CD247: variants seen among roughly 807,000 people sequenced by gnomAD.
CD247 encodes CD247 molecule.
In CD247, 13 loss-of-function variants were observed where a neutral mutation model predicts 30.0. The ratio of observed to expected loss-of-function variants is 0.43; its 90% CI spans 0.28 to 0.69. CD247 has a LOEUF of 0.69. CD247 is among the 30% of genes least tolerant of loss of function. The probability of loss-of-function intolerance (pLI) is 0.16; values close to 1 mark genes in which losing one functional copy is unlikely to be tolerated. For missense variants in CD247, 193 were observed against 212.6 expected, an observed-to-expected ratio of 0.91 and a Z score of 0.57; for synonymous variants, 72 against 80.0, an observed-to-expected ratio of 0.90 and a Z score of 0.53.
At position 167,508,889 on chromosome 1, in the gene CD247, T is replaced by C. The variant is rs567681457; in HGVS notation, c.58+9519A>G. The stretch of plus-strand genomic sequence containing the variant: ...ATGGTTTCCGGGACCAGGGACACTT[T>C]CTTGTGCTTATGGGCTCTCAATCAT... On this transcript the variant is annotated intron_variant, in intron 1 of 7. Coordinates refer to ENST00000362089, the MANE Select transcript of CD247 (RefSeq NM_198053.3). 6.2e-4 allele frequency among the ~76,000 whole-genome samples: 94 copies of C among 152,312 alleles called. 1 individual carries two copies. The highest frequency in any genetic ancestry group is 9.4e-4 in the Non-Finnish European group (64 of 68,016).
At chr1:167,479,494 C>T (rs1370213719) in intron 1 of CD247, among the ~76,000 whole-genome samples, 5 of 152,290 alleles carry the variant, frequency 3.3e-5, no homozygotes, top group South Asian at 2.1e-4. Context: ...GTGACATATC[C>T]GCCTCCATCT....
At chr1:167,478,945 G>A (rs1274936901) in intron 1 of CD247, among the ~76,000 whole-genome samples, 1 of 152,150 alleles carries the variant, frequency 6.6e-6, no homozygotes, top group Non-Finnish European at 1.5e-5. Flanking sequence ...GATTATGAGT[G>A]ATTTAAAGTA....
chr1:167,478,705 G>A (rs1403293740), intron 1 of CD247, among the ~76,000 whole-genome samples: 1 of 152,144 alleles, frequency 6.6e-6, no homozygotes, highest in Non-Finnish European at 1.5e-5. Context: ...GTTGTTGTGA[G>A]GAATAAGTAA....
intron 4 of CD247, 79 bp downstream of exon 4, chr1:167,438,491 C>A: frequency 8.8e-7 from 1 of 1,131,338 alleles, no homozygotes; most frequent in African/African-American, 1.5e-5. Flanking sequence ...GCAGAGTGAG[C>A]TGAGGAGCCC....
intron 1 of CD247, among the ~76,000 whole-genome samples, chr1:167,453,524 A>G (rs1489957399): frequency 6.6e-6 from 1 of 152,232 alleles, no homozygotes; most frequent in African/African-American, 2.4e-5. Flanking sequence ...TTTTCTGAGG[A>G]TAAACTCTCA....
chr1:167,467,278 C>T (rs1653298831), intron 1 of CD247, among the ~76,000 whole-genome samples: 1 of 152,218 alleles, frequency 6.6e-6, no homozygotes, highest in African/African-American at 2.4e-5. Context: ...TGGCTAATTT[C>T]AAGGTTAACA....
chr1:167,431,758 GCAAATCAGAAAA>G lies in CD247; in HGVS notation c.430-24_430-13del. On this transcript the variant is annotated splice_polypyrimidine_tract_variant and intron_variant, in intron 7 of 7. Coordinates refer to ENST00000362089, the MANE Select transcript of CD247 (RefSeq NM_198053.3). Reference sequence around the variant, plus strand: ...GCTGTACTGAGACCCTGGCGTGAAAGCAAATCAGAAAACAAAGAGTGGGTCAGTAGCCTGTGT... The same window carrying G: ...GCTGTACTGAGACCCTGGCGTGAAAGCAAAGAGTGGGTCAGTAGCCTGTGT... 1 of 1,613,612 alleles carries G rather than the reference GCAAATCAGAAAA, an allele frequency of 6.2e-7. No individual in the cohort carries two copies. Among genetic ancestry groups the G allele is most frequent in the Non-Finnish European group, 8.5e-7 (1 of 1,179,572 alleles).
At chr1:167,509,318 C>T (rs973064173) in intron 1 of CD247, among the ~76,000 whole-genome samples, 6 of 147,768 alleles carry the variant, frequency 4.1e-5, no homozygotes, top group Admixed American at 1.4e-4. Flanking sequence ...GAGCCGAGAT[C>T]GCGCCATTGC....
intron 1 of CD247, among the ~76,000 whole-genome samples, chr1:167,465,457 T>C (rs1653202193): frequency 6.6e-6 from 1 of 151,490 alleles, no homozygotes; most frequent in African/African-American, 2.4e-5. Context: ...GCCTCCCGAG[T>C]AGCTGGATTA....
chr1:167,455,196 T>C (rs1390476472), intron 1 of CD247, among the ~76,000 whole-genome samples: 1 of 152,194 alleles, frequency 6.6e-6, no homozygotes, highest in Non-Finnish European at 1.5e-5. Flanking sequence ...CGATACGCTA[T>C]AGGTGAATAT....
intron 1 of CD247, among the ~76,000 whole-genome samples, chr1:167,499,457 CG>C (rs1654819452): frequency 6.6e-6 from 1 of 152,132 alleles, no homozygotes; most frequent in Non-Finnish European, 1.5e-5. Context: ...GATTTAGCCA[CG>C]ACTGAAGGTG....
chr1:167,511,082 T>G (rs1033111647), intron 1 of CD247, among the ~76,000 whole-genome samples: 1 of 152,334 alleles, frequency 6.6e-6, no homozygotes, highest in Non-Finnish European at 1.5e-5. Context: ...AACCCCAGGC[T>G]AAAATATGAC....
chr1:167,504,259 C>T (rs1170152074), intron 1 of CD247, among the ~76,000 whole-genome samples: 1 of 152,104 alleles, frequency 6.6e-6, no homozygotes, highest in African/African-American at 2.4e-5. Flanking sequence ...AAAACAAGCC[C>T]CGGCATCACA....
chr1:167,478,595 G>T (rs187806007), intron 1 of CD247, among the ~76,000 whole-genome samples: 1 of 152,150 alleles, frequency 6.6e-6, no homozygotes, highest in Non-Finnish European at 1.5e-5. Flanking sequence ...GGACAGGAAC[G>T]CAGAGTCTGG....
At chr1:167,434,880 A>C in intron 5 of CD247, 1 of 466,646 alleles carries the variant, frequency 2.1e-6, no homozygotes, top group Non-Finnish European at 4.3e-6. Flanking sequence ...AAGACCACAG[A>C]GTGAGGAGCA....
At chr1:167,481,332 A>G (rs1653965808) in intron 1 of CD247, among the ~76,000 whole-genome samples, 1 of 152,242 alleles carries the variant, frequency 6.6e-6, no homozygotes, top group Admixed American at 6.5e-5. Flanking sequence ...ACTGTCATTT[A>G]TAGTAGTTAG....
At chr1:167,501,612 A>G (rs1039770439) in intron 1 of CD247, among the ~76,000 whole-genome samples, 1 of 152,210 alleles carries the variant, frequency 6.6e-6, no homozygotes, top group Non-Finnish European at 1.5e-5. Context: ...GTCAATTCCT[A>G]GTGTCTCTTT....
intron 1 of CD247, among the ~76,000 whole-genome samples, chr1:167,454,774 A>G (rs549823731): frequency 6.6e-6 from 1 of 152,296 alleles, no homozygotes; most frequent in Admixed American, 6.5e-5. Context: ...TGTAAGCTGG[A>G]GACCCTCTGG....
At position 167,431,045 on chromosome 1, in the gene CD247, C is replaced by T; in HGVS notation, c.*636G>A. On this transcript the variant is annotated 3_prime_UTR_variant, in exon 8 of 8. Transcript: ENST00000362089. ...CACATGGTACAGTTCAATGGTGCGGCACAGAGGCCTGAGGCAGGGAGGCTC... is the reference window on the plus strand; with the variant it reads ...CACATGGTACAGTTCAATGGTGCGGTACAGAGGCCTGAGGCAGGGAGGCTC... 2.4e-6 allele frequency: 1 copy of T among 422,410 alleles called. No individual in the cohort carries two copies. The highest frequency in any genetic ancestry group is 4.2e-6 in the Non-Finnish European group (1 of 238,908). 26.2% of individuals were successfully genotyped at this position (422,410 alleles called of 1,614,324 possible).
Sources: gnomAD v4.1 joint callset for allele counts (sites outside exome capture counted in the v4.1 genomes callset) on GRCh38, gnomAD v4.1.1 for gene constraint, MANE v1.5 for transcripts, NCBI Gene and HGNC (gene_info 2026-07-23, HGNC 2026-07-21) for gene names.